The following PCNX2 variants were observed in gnomAD, a reference collection of about 807,000 sequenced individuals.
The protein encoded by PCNX2 is pecanex-like protein 2.
A neutral mutation model predicts 223.8 loss-of-function variants in PCNX2; 168 were observed. The observed-to-expected ratio is 0.75, with a 90% confidence interval of 0.66 to 0.85. PCNX2 has a LOEUF of 0.85. PCNX2 is among the 40% of genes least tolerant of loss of function. The pLI is 0.00. For missense variants in PCNX2, 2,507 were observed against 2,675.5 expected (o/e 0.94, Z 1.39); for synonymous variants, 1,006 against 1,052.6 (o/e 0.96, Z 0.86).
intron 15 of PCNX2, among the ~76,000 whole-genome samples, chr1:233,192,197 T>C (rs144831181): frequency 6.6e-6 from 1 of 152,316 alleles, no homozygotes; most frequent in African/African-American, 2.4e-5. Flanking sequence ...AACATCAATG[T>C]GGGCAGCCAA....
At chr1:233,021,418 C>T (rs1670885575) in intron 26 of PCNX2, among the ~76,000 whole-genome samples, 1 of 152,140 alleles carries the variant, frequency 6.6e-6, no homozygotes, top group South Asian at 2.1e-4. Context: ...TCCTTGGGTC[C>T]CGGGAGGTGG....
At chr1:233,186,009 G>A (rs75796389) in intron 15 of PCNX2, among the ~76,000 whole-genome samples, 3,280 of 152,126 alleles carry the variant, frequency 0.022, 43 homozygotes, top group South Asian at 0.044. Context: ...AGGGCAGTCC[G>A]GCTTTGTACA....
intron 25 of PCNX2, among the ~76,000 whole-genome samples, chr1:233,025,800 G>T (rs894591392): frequency 2.6e-5 from 4 of 152,164 alleles, no homozygotes; most frequent in Non-Finnish European, 5.9e-5. Context: ...CTGTAAAACA[G>T]GCTATTGTAA....
rs201635872 is a variant in PCNX2 at position 233,017,141 on chromosome 1, T to C, written c.4619A>G (p.Tyr1540Cys). The change falls in exon 27 of 34, where the codon TAT becomes TGT. Residue 1540 changes from tyrosine to cysteine, a missense_variant. Around this residue, in one of 3 missense-constraint regions of PCNX2, gnomAD observed 1,372 missense variants for 1,509.4 expected, o/e 0.91. Transcript: ENST00000258229. ...GAGGAGTTTGGGAGACGTTACCATA[T>C]AGTATATTATACTCTGCAGAGAAAA... ...IRYYIKSIIY[Y>C]MVTSPKLLSW... 2.1e-5 allele frequency: 24 copies of C among 1,142,150 alleles called. No individual in the cohort carries two copies. Among genetic ancestry groups the C allele is most frequent in the East Asian group, 3.5e-5 (1 of 28,310 alleles). 70.8% of individuals were successfully genotyped at this position (1,142,150 alleles called of 1,614,324 possible).
chr1:233,318,938 A>T, the PCNX2 span, among the ~76,000 whole-genome samples: 1 of 150,980 alleles, frequency 6.6e-6, no homozygotes, highest in African/African-American at 2.4e-5. Context: ...CATCTGCAAG[A>T]CTCTCTCATA....
intron 1 of PCNX2, chr1:233,293,875 C>T (rs1294323): frequency 0.29 from 238,687 of 827,830 alleles, 34,698 homozygotes; most frequent in African/African-American, 0.4. Context: ...GAGGGCTGTG[C>T]TCCTCATGAC....
intron 1 of PCNX2, among the ~76,000 whole-genome samples, chr1:233,284,236 ATAAT>A (rs1360709175): frequency 1.3e-5 from 2 of 152,196 alleles, no homozygotes; most frequent in Non-Finnish European, 2.9e-5. Flanking sequence ...TCTGGGTGTG[ATAAT>A]TACATGGGAG....
chr1:233,247,293 C>A (rs1395370015), intron 8 of PCNX2, among the ~76,000 whole-genome samples: 4 of 152,148 alleles, frequency 2.6e-5, no homozygotes, highest in Non-Finnish European at 5.9e-5. Context: ...GTCCTGTGAC[C>A]AAATGGGCTG....
chr1:233,027,330 A>G (rs1671114278), intron 25 of PCNX2, among the ~76,000 whole-genome samples: 1 of 152,104 alleles, frequency 6.6e-6, no homozygotes, highest in African/African-American at 2.4e-5. Context: ...GGGAGGGGAA[A>G]AAGCAGAGAC....
rs377477979 is a variant in PCNX2 at position 233,025,251 on chromosome 1, C to T, written c.4500G>A (p.Thr1500=). 43 of 1,613,994 alleles carry T rather than the reference C, an allele frequency of 2.7e-5. No homozygotes were observed. Among genetic ancestry groups the T allele is most frequent in the African/African-American group, 1.7e-4 (13 of 75,042 alleles). ...AGCCCTCCAGGATGTACTGGGTCTG[C>T]GTGATTTCCCAGGTGAGCCAGCGGA... The part of the protein sequence containing the change: ...FHLRWLTWEI[T]QTQYILEGYS... The change falls in exon 26 of 34, where the codon ACG becomes ACA. Residue 1500 remains threonine, a synonymous_variant. Coordinates refer to ENST00000258229, the MANE Select transcript of PCNX2 (RefSeq NM_014801.4).
rs576831278 is a variant in PCNX2 at position 233,113,870 on chromosome 1, T to C, written c.3838-18007A>G. ...CTGTGCAGACTCGAATAGCACTGAGTTCAAGTCAGCCTCTGTAAGTGACTT... is the reference window on the plus strand; with the variant it reads ...CTGTGCAGACTCGAATAGCACTGAGCTCAAGTCAGCCTCTGTAAGTGACTT... On this transcript the variant is annotated intron_variant, in intron 21 of 33. Coordinates refer to ENST00000258229, the MANE Select transcript of PCNX2 (RefSeq NM_014801.4). 2.1e-4 allele frequency among the ~76,000 whole-genome samples: 32 copies of C among 152,328 alleles called. No homozygotes were observed. The Middle Eastern group carries it at 0.01, about 49-fold the overall frequency.
chr1:233,059,989 T>C (rs1193475565), intron 23 of PCNX2, among the ~76,000 whole-genome samples: 5 of 152,226 alleles, frequency 3.3e-5, no homozygotes, highest in Non-Finnish European at 7.3e-5. Context: ...AAAAGTATTC[T>C]TTCTTTTCAT....
At chr1:233,277,221 C>T (rs114871800) in intron 1 of PCNX2, among the ~76,000 whole-genome samples, 1,552 of 152,278 alleles carry the variant, frequency 0.01, 14 homozygotes, top group South Asian at 0.028. Context: ...CACCGCTGAG[C>T]CCTTGAGGTC....
intron 10 of PCNX2, among the ~76,000 whole-genome samples, chr1:233,219,021 G>C (rs1469910026): frequency 6.6e-6 from 1 of 152,122 alleles, no homozygotes; most frequent in Non-Finnish European, 1.5e-5. Context: ...CAGAGGACCT[G>C]CCCTGGGGTG....
chr1:233,134,110 C>G (rs1676668608), intron 21 of PCNX2, among the ~76,000 whole-genome samples: 1 of 151,938 alleles, frequency 6.6e-6, no homozygotes, highest in Non-Finnish European at 1.5e-5. Context: ...AAATTATTAA[C>G]TAAAAGGGGA....
intron 15 of PCNX2, among the ~76,000 whole-genome samples, chr1:233,197,814 C>A (rs1448553266): frequency 6.6e-6 from 1 of 152,050 alleles, no homozygotes; most frequent in Non-Finnish European, 1.5e-5. Context: ...TTAAGTTAAT[C>A]TTTTTAAAAA....
At chr1:233,277,213 C>A (rs941385384) in intron 1 of PCNX2, among the ~76,000 whole-genome samples, 6 of 152,180 alleles carry the variant, frequency 3.9e-5, no homozygotes, top group Non-Finnish European at 8.8e-5. Context: ...AGATGACACA[C>A]CGCTGAGCCC....
At chr1:233,135,674 C>A (rs567393634) in intron 20 of PCNX2, among the ~76,000 whole-genome samples, 2 of 152,130 alleles carry the variant, frequency 1.3e-5, no homozygotes, top group Admixed American at 6.5e-5. Flanking sequence ...GAATCCAATT[C>A]GAACAGTGAC....
At chr1:233,032,751 A>T (rs1355903610) in intron 25 of PCNX2, among the ~76,000 whole-genome samples, 2 of 152,186 alleles carry the variant, frequency 1.3e-5, no homozygotes, top group Non-Finnish European at 2.9e-5. Context: ...TGAGGAACAC[A>T]CGGGTATCTC....
Sources: gnomAD v4.1 joint callset for allele counts (sites outside exome capture counted in the v4.1 genomes callset) on GRCh38, gnomAD v4.1.1 for gene constraint, gnomAD v4.1.1 regional missense constraint, MANE v1.5 for transcripts, NCBI Gene and HGNC (gene_info 2026-07-23, HGNC 2026-07-21) for gene names.